The following BCAS3 variants were observed in gnomAD, a reference collection of about 807,000 sequenced individuals.
The protein encoded by BCAS3 is BCAS3 microtubule associated cell migration factor, also known as BCAS4/BCAS3 fusion.
Under a neutral mutation model 116.1 loss-of-function variants are expected in BCAS3, and 53 were observed. The observed-to-expected ratio is 0.46, with a 90% CI of 0.37 to 0.57. The LOEUF (loss-of-function observed/expected upper bound fraction) is 0.57, where lower values mean the gene tolerates loss of function less well. Among genes scored for constraint, BCAS3 ranks in the 20% least tolerant of loss-of-function variants. BCAS3 has a pLI of 0.00. For missense variants in BCAS3, 917 were observed against 1,165.4 expected, an observed-to-expected ratio of 0.79 and a Z score of 3.10; for synonymous variants, 391 against 408.2, an observed-to-expected ratio of 0.96 and a Z score of 0.51.
intron 22 of BCAS3, among the ~76,000 whole-genome samples, chr17:61,277,574 G>A (rs1001702724): frequency 2.6e-5 from 4 of 152,128 alleles, no homozygotes; most frequent in African/African-American, 9.7e-5. Context: ...CAAAATGGGA[G>A]AAAATTTTTG....
At chr17:61,115,113 G>A (rs199811623) in intron 22 of BCAS3, among the ~76,000 whole-genome samples, 2,190 of 150,462 alleles carry the variant, frequency 0.015, 50 homozygotes, top group East Asian at 0.083. Flanking sequence ...AGACTTAAAC[G>A]TTAGACCTAA....
At chr17:61,076,215 T>C (rs1282286136) in intron 20 of BCAS3, among the ~76,000 whole-genome samples, 4 of 152,218 alleles carry the variant, frequency 2.6e-5, no homozygotes, top group African/African-American at 9.7e-5. Context: ...TCTGACATCA[T>C]TTTATGAAGC....
chr17:60,804,307 C>A (rs990503389), intron 6 of BCAS3, among the ~76,000 whole-genome samples: 1 of 151,080 alleles, frequency 6.6e-6, no homozygotes, highest in Admixed American at 6.6e-5. Flanking sequence ...ATGGTGAAAC[C>A]CCATCTCTAC....
intron 11 of BCAS3, among the ~76,000 whole-genome samples, chr17:60,907,574 C>T (rs554384967): frequency 3.6e-4 from 55 of 152,312 alleles, no homozygotes; most frequent in Non-Finnish European, 6.5e-4. Context: ...TAGGTCATAA[C>T]GGATTTTCTC....
intron 22 of BCAS3, among the ~76,000 whole-genome samples, chr17:61,254,797 AAAATTT>A (rs1234475741): frequency 6.6e-6 from 1 of 151,504 alleles, no homozygotes; most frequent in Non-Finnish European, 1.5e-5. Context: ...AAAGGATTAG[AAAATTT>A]ATACTGCTTT....
chr17:60,864,930 G>C (rs1017107113), intron 7 of BCAS3, among the ~76,000 whole-genome samples: 2 of 152,170 alleles, frequency 1.3e-5, no homozygotes, highest in Non-Finnish European at 2.9e-5. Context: ...TAGCTGGTAG[G>C]TGGAGCTTTC....
intron 19 of BCAS3, chr17:61,069,856 G>C: frequency 1.8e-6 from 1 of 561,620 alleles, no homozygotes; most frequent in Non-Finnish European, 2.9e-6. Context: ...AAAAAAAAAA[G>C]ACCCTTTTCA....
chr17:60,869,006 T>C (rs2054873100), intron 8 of BCAS3, among the ~76,000 whole-genome samples: 1 of 152,198 alleles, frequency 6.6e-6, no homozygotes, highest in Non-Finnish European at 1.5e-5. Context: ...AATGTAGCTT[T>C]TTATATGTAT....
At chr17:60,701,951 G>A (rs906744426) in intron 4 of BCAS3, among the ~76,000 whole-genome samples, 8 of 152,120 alleles carry the variant, frequency 5.3e-5, no homozygotes, top group Non-Finnish European at 1.2e-4. Context: ...TCCAGCCTGG[G>A]TGACAGAGTG....
chr17:60,917,715 T>C (rs2058846751), intron 12 of BCAS3, among the ~76,000 whole-genome samples: 1 of 152,110 alleles, frequency 6.6e-6, no homozygotes, highest in Non-Finnish European at 1.5e-5. Context: ...TGCCTCAGCC[T>C]CCCAAGTAGC....
At chr17:60,731,657 G>A (rs2040462422) in intron 5 of BCAS3, among the ~76,000 whole-genome samples, 1 of 151,552 alleles carries the variant, frequency 6.6e-6, no homozygotes, top group Non-Finnish European at 1.5e-5. Context: ...TTTATTTGTG[G>A]GATTTTAACA....
chr17:60,931,916 T>C (rs2059665748), intron 13 of BCAS3, among the ~76,000 whole-genome samples: 1 of 151,854 alleles, frequency 6.6e-6, no homozygotes, highest in African/African-American at 2.4e-5. Flanking sequence ...CTACAAAAAA[T>C]ACAAAAATTA....
At position 61,349,487 on chromosome 17, in the gene BCAS3, A is replaced by C. The variant is rs2057702435; in HGVS notation, c.2426-18840A>C. On this transcript the variant is annotated intron_variant, in intron 22 of 23. Transcript: ENST00000407086. The surrounding 1 kb of genome is among the most constrained non-coding windows in gnomAD (Gnocchi z 4.7). ...ATTATTGGTCCAGTGGAAATTCTGC[A>C]CTTAGATTATTGGTCCAGCTCTGCT... 6.7e-6 allele frequency among the ~76,000 whole-genome samples: 1 copy of C among 150,168 alleles called. No homozygotes were observed. Among genetic ancestry groups the C allele is most frequent in the Admixed American group, 6.7e-5 (1 of 15,028 alleles).
chr17:60,715,519 C>G (rs1035862772), intron 5 of BCAS3, among the ~76,000 whole-genome samples: 1 of 151,720 alleles, frequency 6.6e-6, no homozygotes, highest in Admixed American at 6.6e-5. Context: ...GATGGAGTCT[C>G]TCTGTGACAC....
At chr17:60,886,177 C>T (rs554295789) in intron 9 of BCAS3, among the ~76,000 whole-genome samples, 4 of 144,482 alleles carry the variant, frequency 2.8e-5, no homozygotes, top group Admixed American at 1.4e-4. Flanking sequence ...CTTCCCTTCT[C>T]GCTTCATTTC....
chr17:61,375,386 T>A (rs1305593652), intron 23 of BCAS3, among the ~76,000 whole-genome samples: 1 of 152,070 alleles, frequency 6.6e-6, no homozygotes, highest in Non-Finnish European at 1.5e-5. Context: ...ACCCCTCTCC[T>A]GCCTCTAGAA....
intron 19 of BCAS3, among the ~76,000 whole-genome samples, chr17:61,058,486 T>A (rs1021451389): frequency 9.2e-5 from 14 of 152,216 alleles, no homozygotes; most frequent in African/African-American, 2.9e-4. Context: ...CTCGGCTGAT[T>A]TCTGTGCTCT....
intron 5 of BCAS3, among the ~76,000 whole-genome samples, chr17:60,743,939 T>G (rs1159678670): frequency 6.6e-6 from 1 of 152,242 alleles, no homozygotes; most frequent in Non-Finnish European, 1.5e-5. Context: ...TTTTCTATGG[T>G]TGGAAAAGAT....
intron 22 of BCAS3, among the ~76,000 whole-genome samples, chr17:61,280,077 T>A (rs1490060258): frequency 1.3e-5 from 2 of 151,950 alleles, no homozygotes; most frequent in Non-Finnish European, 2.9e-5. Flanking sequence ...CAACAAAGAG[T>A]AGAGTTTAAG....
Sources: gnomAD v4.1 joint callset for allele counts (sites outside exome capture counted in the v4.1 genomes callset) on GRCh38, gnomAD v4.1.1 for gene constraint, Gnocchi (gnomAD v3.1) non-coding constraint, MANE v1.5 for transcripts, NCBI Gene and HGNC (gene_info 2026-07-23, HGNC 2026-07-21) for gene names.